The following SLC10A7 variants were observed in gnomAD, a reference collection of about 807,000 sequenced individuals.
SLC10A7 encodes sodium/bile acid cotransporter 7.
In SLC10A7, 29 loss-of-function variants were observed where a neutral mutation model predicts 43.2. The ratio of observed to expected loss-of-function variants is 0.67; its 90% CI spans 0.50 to 0.92. The LOEUF (loss-of-function observed/expected upper bound fraction) is 0.92. Ranked by LOEUF, SLC10A7 falls within the 40% of genes least tolerant of loss-of-function variation. SLC10A7 has a pLI of 0.00. For synonymous variants in SLC10A7, 152 were observed against 144.8 expected, an observed-to-expected ratio of 1.05 and a Z score of -0.35; for missense variants, 295 against 403.2, an observed-to-expected ratio of 0.73 and a Z score of 2.30.
chr4:146,477,063 G>A (rs1225465496), intron 4 of SLC10A7, among the ~76,000 whole-genome samples: 1 of 152,096 alleles, frequency 6.6e-6, no homozygotes, highest in Non-Finnish European at 1.5e-5. Context: ...CTTATAAACT[G>A]CTCCTAGGAG....
chr4:146,467,351 A>G (rs951061677), intron 4 of SLC10A7, among the ~76,000 whole-genome samples: 4 of 151,912 alleles, frequency 2.6e-5, no homozygotes, highest in African/African-American at 9.7e-5. Flanking sequence ...ATGCTTTACT[A>G]GTAAAACAGG....
Position 146,292,821 on chromosome 4 carries a change from T to C in SLC10A7, c.773+108A>G, listed in dbSNP as rs184385670. On this transcript the variant is annotated intron_variant, in intron 9 of 11. Coordinates refer to ENST00000335472, the MANE Select transcript of SLC10A7 (RefSeq NM_001029998.6). Reference sequence around the variant, plus strand: ...TGGTCAGGGAGACAGGAGAAAAACATATGTAAAAGGAGAAAAAAATATAAA... The same window carrying C: ...TGGTCAGGGAGACAGGAGAAAAACACATGTAAAAGGAGAAAAAAATATAAA... The C allele has an allele frequency of 1.9e-3, 1,330 of 714,652 alleles. 3 individuals are homozygous for C. Among genetic ancestry groups the C allele is most frequent in the Non-Finnish European group, 2.6e-3 (1,156 of 438,186 alleles). 44.3% of individuals were successfully genotyped at this position (714,652 alleles called of 1,614,324 possible). A position where few individuals can be genotyped will look rare whatever the true frequency, so the allele number is the denominator to read the frequency against.
At chr4:146,493,533 T>C (rs1226290761) in intron 4 of SLC10A7, among the ~76,000 whole-genome samples, 1 of 151,938 alleles carries the variant, frequency 6.6e-6, no homozygotes, top group Non-Finnish European at 1.5e-5. Context: ...TACCTGATTG[T>C]TTTTGTGGCT....
intron 5 of SLC10A7, among the ~76,000 whole-genome samples, chr4:146,345,079 T>C (rs1734526482): frequency 6.6e-6 from 1 of 152,110 alleles, no homozygotes. Context: ...CTGAATGAAA[T>C]TTGCTTAGAA....
At chr4:146,371,374 A>T (rs994416357) in intron 5 of SLC10A7, among the ~76,000 whole-genome samples, 1 of 148,664 alleles carries the variant, frequency 6.7e-6, no homozygotes, top group Non-Finnish European at 1.5e-5. Context: ...TCTTCCTTGT[A>T]TACAAAGTCA....
Position 146,324,282 on chromosome 4 carries a change from C to G in SLC10A7, c.471+1679G>C, listed in dbSNP as rs554290957. ...TTTGTAGATTCAATGCCATCCCCAT[C>G]AAGCTACCAATGACTTTCTTCACAG... is the stretch of plus-strand genomic sequence containing the variant. On this transcript the variant is annotated intron_variant, in intron 6 of 11. Transcript: ENST00000335472. 2.0e-4 allele frequency among the ~76,000 whole-genome samples: 30 copies of G among 152,290 alleles called. No individual in the cohort carries two copies. In the South Asian group the frequency reaches 6.2e-3, roughly 32 times the overall value.
intron 5 of SLC10A7, among the ~76,000 whole-genome samples, chr4:146,401,217 C>T (rs1003313403): frequency 6.6e-6 from 1 of 152,148 alleles, no homozygotes; most frequent in African/African-American, 2.4e-5. Flanking sequence ...CTTCTCTATT[C>T]TAATCTCCTG....
chr4:146,266,788 C>T (rs1192976582), intron 10 of SLC10A7, among the ~76,000 whole-genome samples: 1 of 152,192 alleles, frequency 6.6e-6, no homozygotes, highest in Admixed American at 6.5e-5. Flanking sequence ...GTTTGGATCT[C>T]ATGTCCACCA....
intron 5 of SLC10A7, chr4:146,442,193 CTTATA>C: frequency 1.0e-6 from 1 of 967,022 alleles, no homozygotes; most frequent in Non-Finnish European, 1.2e-6. Context: ...AAACAACGTC[CTTATA>C]TTGGTTCTAC....
At chr4:146,355,503 T>C (rs1479016675) in intron 5 of SLC10A7, among the ~76,000 whole-genome samples, 1 of 151,468 alleles carries the variant, frequency 6.6e-6, no homozygotes, top group Non-Finnish European at 1.5e-5. Flanking sequence ...GATCTAGAAC[T>C]AGAAATACCA....
intron 7 of SLC10A7, among the ~76,000 whole-genome samples, chr4:146,296,009 C>T (rs1348020467): frequency 1.3e-5 from 2 of 151,982 alleles, no homozygotes; most frequent in African/African-American, 4.8e-5. Flanking sequence ...ATTTTAAAAC[C>T]CAAGACAAAT....
At position 146,256,434 on chromosome 4, in the gene SLC10A7, G is replaced by T. The variant is rs537235258; in HGVS notation, c.*57C>A. On this transcript the variant is annotated 3_prime_UTR_variant, in exon 12 of 12. Transcript: ENST00000335472. ...TTCACAAGTACAAGTCTTCAGAATT[G>T]CTAGTATGTACAATCCTGTACATAT... 27 of 1,534,342 alleles carry T rather than the reference G, an allele frequency of 1.8e-5. No homozygotes were observed. The highest frequency in any genetic ancestry group is 2.7e-5 in the African/African-American group (2 of 73,088).
intron 4 of SLC10A7, among the ~76,000 whole-genome samples, chr4:146,498,574 A>C (rs1736123910): frequency 1.3e-5 from 2 of 152,238 alleles, no homozygotes; most frequent in Admixed American, 1.3e-4. Flanking sequence ...AATAAATAAC[A>C]ATCACAAATA....
At chr4:146,257,263 A>G (rs1236478074) in intron 11 of SLC10A7, among the ~76,000 whole-genome samples, 4 of 152,244 alleles carry the variant, frequency 2.6e-5, no homozygotes, top group African/African-American at 9.6e-5. Flanking sequence ...TTCCACAACC[A>G]ACTCCGAGTA....
chr4:146,255,607 G>GA lies in SLC10A7; in HGVS notation c.*883dup, dbSNP rs1164183620. 1 of 152,166 alleles carries GA rather than the reference G, an allele frequency of 6.6e-6. No individual in the cohort carries two copies. Among genetic ancestry groups the GA allele is most frequent in the Non-Finnish European group, 1.5e-5 (1 of 67,994 alleles). The allele number at this position is 152,166 out of a possible 1,614,324, so 9.4% of individuals were successfully genotyped here. On this transcript the variant is annotated 3_prime_UTR_variant, in exon 12 of 12. Coordinates refer to ENST00000335472, the MANE Select transcript of SLC10A7 (RefSeq NM_001029998.6). ...AGTGCTCAGCACATCTGCGTAATAGGAAAAAAATTTGGTCTGGGTTGTGGA... is the reference window on the plus strand; with the variant it reads ...AGTGCTCAGCACATCTGCGTAATAGGAAAAAAAATTTGGTCTGGGTTGTGGA...
At chr4:146,312,980 G>C (rs538940221) in intron 6 of SLC10A7, among the ~76,000 whole-genome samples, 65 of 152,226 alleles carry the variant, frequency 4.3e-4, no homozygotes, top group Admixed American at 3.1e-3. Flanking sequence ...ACCAAACTTT[G>C]CTCCCTAATT....
chr4:146,437,900 T>G (rs557193451), intron 5 of SLC10A7, among the ~76,000 whole-genome samples: 1 of 152,194 alleles, frequency 6.6e-6, no homozygotes, highest in African/African-American at 2.4e-5. Context: ...TCTCTAATGT[T>G]TTATAGCATA....
chr4:146,425,100 A>C (rs1288309408), intron 5 of SLC10A7, among the ~76,000 whole-genome samples: 1 of 152,222 alleles, frequency 6.6e-6, no homozygotes, highest in East Asian at 1.9e-4. Context: ...CTGGATACTT[A>C]ACTAACTAGT....
intron 10 of SLC10A7, among the ~76,000 whole-genome samples, chr4:146,271,740 A>C (rs979146753): frequency 1.3e-5 from 2 of 152,078 alleles, no homozygotes; most frequent in African/African-American, 4.8e-5. Context: ...CCGGTCTCCT[A>C]TCTCTCACTC....
Sources: allele counts gnomAD v4.1 joint callset (sites outside exome capture counted in the v4.1 genomes callset), GRCh38; gene constraint gnomAD v4.1.1; transcripts MANE v1.5; gene names NCBI Gene and HGNC (gene_info 2026-07-23, HGNC 2026-07-21).